The following TAFA2 variants were observed in gnomAD, a reference collection of about 807,000 sequenced individuals.
TAFA2 encodes the protein TAFA chemokine like family member 2, also known as chemokine-like protein TAFA-2.
Under a neutral mutation model 18.8 loss-of-function variants are expected in TAFA2, and 7 were observed. The observed-to-expected ratio is 0.37, with a 90% confidence interval of 0.21 to 0.70. The LOEUF (loss-of-function observed/expected upper bound fraction) is 0.70. TAFA2 is among the 30% of genes least tolerant of loss of function. TAFA2 has a pLI of 0.53. For synonymous variants in TAFA2, 60 were observed against 54.2 expected (o/e 1.11, Z -0.47); for missense variants, 122 against 158.1 (o/e 0.77, Z 1.23).
intron 1 of TAFA2, among the ~76,000 whole-genome samples, chr12:62,037,465 A>C (rs1881640031): frequency 6.6e-6 from 1 of 152,232 alleles, no homozygotes. Flanking sequence ...ATTTTTAAAA[A>C]ATCATACAAT....
At chr12:62,099,972 T>G (rs1189843515) in intron 1 of TAFA2, among the ~76,000 whole-genome samples, 1 of 152,148 alleles carries the variant, frequency 6.6e-6, no homozygotes, top group Non-Finnish European at 1.5e-5. Flanking sequence ...TAAATATTCT[T>G]TTAAAGTAGA....
intron 1 of TAFA2, among the ~76,000 whole-genome samples, chr12:61,933,662 A>G (rs1877653504): frequency 6.6e-6 from 1 of 152,150 alleles, no homozygotes; most frequent in South Asian, 2.1e-4. Context: ...GTTTGAGGCT[A>G]CAGTGAGCCA....
chr12:61,891,563 G>A (rs538456608), intron 1 of TAFA2, among the ~76,000 whole-genome samples: 93 of 152,068 alleles, frequency 6.1e-4, no homozygotes, highest in Middle Eastern at 3.4e-3. Flanking sequence ...CAGGAGAATC[G>A]CTTGAACCCG....
At chr12:62,106,090 A>T (rs11174323) in intron 1 of TAFA2, among the ~76,000 whole-genome samples, 36,517 of 151,914 alleles carry the variant, frequency 0.24, 4,642 homozygotes, top group East Asian at 0.39. Flanking sequence ...CCCAGCACTT[A>T]GGGAGGCCAA....
In TAFA2 at chr12:61,810,133, AG is replaced by A. The variant is rs1871804299; in HGVS notation, c.107-55110del. Among the ~76,000 whole-genome samples the A allele has an allele frequency of 2.6e-5, 4 of 151,448 alleles. 1 individual carries two copies. The highest frequency in any genetic ancestry group is 9.8e-5 in the African/African-American group (4 of 40,724). The stretch of plus-strand genomic sequence containing the variant: ...CTGTTACTATTCCTGTATAATTTAC[AG>A]TTTTCCCAAATACTGATAAATGCAT... On this transcript the variant is annotated intron_variant, in intron 2 of 4. Coordinates refer to ENST00000416284, the MANE Select transcript of TAFA2 (RefSeq NM_178539.5).
In TAFA2 at chr12:62,048,350, G is replaced by A. The variant is rs536552082; in HGVS notation, c.-2+142909C>T. On this transcript the variant is annotated intron_variant, in intron 1 of 4. Coordinates refer to ENST00000416284, the MANE Select transcript of TAFA2 (RefSeq NM_178539.5). The stretch of plus-strand genomic sequence containing the variant: ...GCCTCTTATAAAACTATCAGATCTC[G>A]TGAGAACTCACTATCACTAGAACAG... Among the ~76,000 whole-genome samples the A allele has an allele frequency of 3.3e-5, 5 of 152,286 alleles. No homozygotes were observed. The East Asian group carries it at 5.8e-4, about 18-fold the overall frequency.
intron 2 of TAFA2, among the ~76,000 whole-genome samples, chr12:61,823,533 C>T (rs1249226315): frequency 5.3e-5 from 8 of 152,120 alleles, no homozygotes; most frequent in Non-Finnish European, 1.5e-5. Flanking sequence ...TACTCCGTCT[C>T]GGCATTGCTG....
intron 2 of TAFA2, among the ~76,000 whole-genome samples, chr12:61,810,402 C>T (rs186632654): frequency 6.6e-6 from 1 of 150,488 alleles, no homozygotes; most frequent in Non-Finnish European, 1.5e-5. Context: ...TTATTAAGTA[C>T]ACTTAAAGAG....
chr12:62,231,721 C>T (rs1421493748), intron 1 of TAFA2, among the ~76,000 whole-genome samples: 2 of 151,846 alleles, frequency 1.3e-5, no homozygotes, highest in Non-Finnish European at 2.9e-5. Flanking sequence ...AGTTTAAAAC[C>T]AAACAAAAGC....
At chr12:61,724,298 T>A (rs891825645) in intron 4 of TAFA2, among the ~76,000 whole-genome samples, 7 of 152,056 alleles carry the variant, frequency 4.6e-5, no homozygotes, top group African/African-American at 1.7e-4. Context: ...GAAGACACAT[T>A]TTATATTTTT....
chr12:62,011,142 G>A (rs538641882), intron 1 of TAFA2, among the ~76,000 whole-genome samples: 21 of 148,788 alleles, frequency 1.4e-4, no homozygotes, highest in East Asian at 4.1e-4. Flanking sequence ...CTGCCCGGCC[G>A]CCCCGTCTGG....
chr12:61,791,948 C>T (rs566013521), intron 2 of TAFA2, among the ~76,000 whole-genome samples: 1 of 151,402 alleles, frequency 6.6e-6, no homozygotes, highest in East Asian at 1.9e-4. Context: ...TCACAATATC[C>T]AAGATATGAA....
Position 61,915,896 on chromosome 12 carries a change from A to G in TAFA2, c.-1-48470T>C, listed in dbSNP as rs145172879. Reference sequence around the variant, plus strand: ...ACCAATCCCAATTCTAATCTCTTCCAGAAACAGCCTCACAGACATACCCAG... The same window carrying G: ...ACCAATCCCAATTCTAATCTCTTCCGGAAACAGCCTCACAGACATACCCAG... On this transcript the variant is annotated intron_variant, in intron 1 of 4. Transcript: ENST00000416284. Among the ~76,000 whole-genome samples, 393 of 152,342 alleles carry G rather than the reference A, an allele frequency of 2.6e-3. 1 individual carries two copies. The highest frequency in any genetic ancestry group is 4.2e-3 in the Admixed American group (64 of 15,302).
intron 1 of TAFA2, among the ~76,000 whole-genome samples, chr12:62,240,356 T>C (rs989026267): frequency 3.3e-5 from 5 of 151,794 alleles, no homozygotes; most frequent in East Asian, 1.9e-4. Context: ...GAGGCAGAGA[T>C]TGCAGTGAGC....
chr12:62,151,414 G>C (rs898492427), intron 1 of TAFA2, among the ~76,000 whole-genome samples: 1 of 152,248 alleles, frequency 6.6e-6, no homozygotes, highest in Non-Finnish European at 1.5e-5. Flanking sequence ...GTCACTTGCA[G>C]AGAAACTTAA....
chr12:62,022,051 G>A, intron 1 of TAFA2: 1 of 579,572 alleles, frequency 1.7e-6, no homozygotes, highest in Admixed American at 2.0e-5. Context: ...GCTCTACACT[G>A]CCCTCTGGAA....
intron 1 of TAFA2, among the ~76,000 whole-genome samples, chr12:61,913,633 C>T (rs1030166235): frequency 1.3e-5 from 2 of 152,126 alleles, no homozygotes; most frequent in African/African-American, 4.8e-5. Context: ...TCCTGACTTC[C>T]GAGTATCTCT....
At chr12:62,167,814 A>T (rs1177110260) in intron 1 of TAFA2, among the ~76,000 whole-genome samples, 1 of 152,162 alleles carries the variant, frequency 6.6e-6, no homozygotes, top group African/African-American at 2.4e-5. Flanking sequence ...AAAGTAAAAG[A>T]CACACTTGAA....
chr12:61,755,808 C>T (rs1358831619), intron 2 of TAFA2, among the ~76,000 whole-genome samples: 1 of 152,016 alleles, frequency 6.6e-6, no homozygotes, highest in Non-Finnish European at 1.5e-5. Context: ...CCTTACTCAT[C>T]ATATTATGAT....
Sources: allele counts gnomAD v4.1 joint callset (sites outside exome capture counted in the v4.1 genomes callset), GRCh38; gene constraint gnomAD v4.1.1; transcripts MANE v1.5; gene names NCBI Gene and HGNC (gene_info 2026-07-23, HGNC 2026-07-21).